Variants in ATP9B observed in about 807,000 individuals in gnomAD.
The protein encoded by ATP9B is ATPase phospholipid transporting 9B.
In ATP9B, 110 loss-of-function variants were observed where a neutral mutation model predicts 146.1. The ratio of observed to expected loss-of-function variants is 0.75; its 90% CI spans 0.65 to 0.88. ATP9B has a LOEUF of 0.88. Ranked by LOEUF, ATP9B falls within the 40% of genes least tolerant of loss-of-function variation. The pLI is 0.00. For missense variants in ATP9B, 1,499 were observed against 1,496.4 expected (o/e 1.00, Z -0.03); for synonymous variants, 604 against 569.7 (o/e 1.06, Z -0.86).
intron 4 of ATP9B, among the ~76,000 whole-genome samples, chr18:79,118,384 GTTTTTGTTTTTTTTTTTT>G: frequency 1.4e-5 from 1 of 73,490 alleles, no homozygotes; most frequent in East Asian, 5.1e-4. Flanking sequence ...CATATTGAAC[GTTTTTGTTTTTTTTTTTT>G]TTTTTTTTTT....
At chr18:79,194,993 G>A (rs1469372260) in intron 9 of ATP9B, among the ~76,000 whole-genome samples, 1 of 152,104 alleles carries the variant, frequency 6.6e-6, no homozygotes, top group Admixed American at 6.6e-5. Flanking sequence ...GAATGTATAG[G>A]GGCAAGGGGC....
chr18:79,327,751 G>T (rs1452412389), intron 15 of ATP9B, among the ~76,000 whole-genome samples: 44 of 130,810 alleles, frequency 3.4e-4, no homozygotes, highest in African/African-American at 1.2e-3. Context: ...GCTCTCCGTG[G>T]TTAGCGTGCT....
intron 7 of ATP9B, among the ~76,000 whole-genome samples, chr18:79,167,959 G>A (rs915465994): frequency 8.5e-5 from 13 of 152,178 alleles, no homozygotes; most frequent in African/African-American, 2.9e-4. Context: ...GCTTGTTGGC[G>A]CCCAAAGTCT....
intron 4 of ATP9B, among the ~76,000 whole-genome samples, chr18:79,119,792 T>C (rs1397597267): frequency 1.3e-5 from 2 of 152,234 alleles, no homozygotes; most frequent in Admixed American, 1.3e-4. Context: ...ATAGTATGCT[T>C]TCTCTGTTTA....
rs139057877 is a variant in ATP9B, at chr18:79,163,736, G to A, written c.778+9181G>A. ...TTTATTTAAATATATGTATGCGTGT[G>A]TGTATATATATATGCGTGTATAATA... On this transcript the variant is annotated intron_variant, in intron 7 of 29. Transcript: ENST00000426216. Among the ~76,000 whole-genome samples the A allele has an allele frequency of 5.3e-5, 8 of 151,396 alleles. No homozygotes were observed. The East Asian group carries it at 9.7e-4, about 18-fold the overall frequency.
chr18:79,203,350 G>A (rs143234669), intron 9 of ATP9B, among the ~76,000 whole-genome samples: 41 of 151,994 alleles, frequency 2.7e-4, no homozygotes, highest in African/African-American at 9.9e-4. Context: ...GCAGGCACCC[G>A]ATACTTCGTA....
chr18:79,257,226 G>A (rs1252546656), intron 12 of ATP9B, among the ~76,000 whole-genome samples: 1 of 152,196 alleles, frequency 6.6e-6, no homozygotes, highest in Non-Finnish European at 1.5e-5. Context: ...CTTGAACCCA[G>A]GAGGCAGAGG....
intron 13 of ATP9B, among the ~76,000 whole-genome samples, chr18:79,280,319 T>C (rs4799029): frequency 0.44 from 67,334 of 151,846 alleles, 15,145 homozygotes; most frequent in Middle Eastern, 0.57. Context: ...GATCAAGCTG[T>C]AAATAAAAGA....
chr18:79,147,619 G>T (rs1163419755), intron 6 of ATP9B, among the ~76,000 whole-genome samples: 1 of 152,068 alleles, frequency 6.6e-6, no homozygotes, highest in Admixed American at 6.5e-5. Context: ...AATACATACA[G>T]CTGAATAAAA....
intron 26 of ATP9B, 141 bp downstream of exon 26, chr18:79,359,603 G>T (rs1298653753): frequency 1.5e-6 from 1 of 678,584 alleles, no homozygotes; most frequent in Admixed American, 2.2e-5. Context: ...TGTTTTTTAT[G>T]TCTCCTAATT....
At chr18:79,374,637 C>T (rs1013038108) in intron 28 of ATP9B, among the ~76,000 whole-genome samples, 1 of 152,266 alleles carries the variant, frequency 6.6e-6, no homozygotes, top group African/African-American at 2.4e-5. Context: ...TGAACACAGC[C>T]GCGTGTGCAC....
intron 2 of ATP9B, among the ~76,000 whole-genome samples, chr18:79,102,371 G>T (rs1781347966): frequency 6.6e-6 from 1 of 152,016 alleles, no homozygotes; most frequent in South Asian, 2.1e-4. Flanking sequence ...AAATTTTTTT[G>T]GTGAGGTGAG....
rs1275458712 is a variant in ATP9B at position 79,119,069 on chromosome 18, T to TCAAAAAAAAAAA, written c.558+5715_558+5716insCAAAAAAAAAAA. ...CTGGGTAACAGAGCGAGACCGTGTC[T>TCAAAAAAAAAAA]TAAAAAAAAAAAAAAAAAAATTGCC... On this transcript the variant is annotated intron_variant, in intron 4 of 29. Transcript: ENST00000426216. 6.2e-4 allele frequency among the ~76,000 whole-genome samples: 92 copies of TCAAAAAAAAAAA among 148,282 alleles called. 1 individual carries two copies. The highest frequency in any genetic ancestry group is 2.2e-3 in the African/African-American group (88 of 39,576).
At chr18:79,317,557 G>C (rs2096688092) in intron 15 of ATP9B, among the ~76,000 whole-genome samples, 1 of 152,184 alleles carries the variant, frequency 6.6e-6, no homozygotes, top group Admixed American at 6.5e-5. Flanking sequence ...GTAGTGATTT[G>C]TGGGGTCTAA....
In ATP9B at chr18:79,348,264, A is replaced by C. The variant is rs570457097; in HGVS notation, c.2903+68A>C. On this transcript the variant is annotated intron_variant, in intron 25 of 29. Coordinates refer to ENST00000426216, the MANE Select transcript of ATP9B (RefSeq NM_198531.5). ...TTCTATTTTGAAAAAAAAAAAAAAAAAAAAACAAAAAACGTATATAGAAGA... is the reference window on the plus strand; with the variant it reads ...TTCTATTTTGAAAAAAAAAAAAAAACAAAAACAAAAAACGTATATAGAAGA... The C allele has an allele frequency of 2.6e-4, 329 of 1,257,186 alleles. 5 individuals are homozygous for C. The highest frequency in any genetic ancestry group is 1.2e-3 in the South Asian group (97 of 77,674). 77.9% of individuals were successfully genotyped at this position (1,257,186 alleles called of 1,614,324 possible).
chr18:79,293,960 G>A (rs1030442453), intron 13 of ATP9B, among the ~76,000 whole-genome samples: 4 of 152,106 alleles, frequency 2.6e-5, no homozygotes, highest in Admixed American at 2.0e-4. Flanking sequence ...TTGTGTACAT[G>A]TAGAATTCCT....
chr18:79,276,170 C>T (rs899820360), intron 12 of ATP9B, among the ~76,000 whole-genome samples: 17 of 152,140 alleles, frequency 1.1e-4, no homozygotes, highest in African/African-American at 3.4e-4. Context: ...TGCCAGCAGC[C>T]GCATGAGCAG....
At chr18:79,166,764 G>T (rs1174089310) in intron 7 of ATP9B, among the ~76,000 whole-genome samples, 1 of 152,126 alleles carries the variant, frequency 6.6e-6, no homozygotes, top group Non-Finnish European at 1.5e-5. Flanking sequence ...ATGGCCCGTG[G>T]AGCCTTTGTC....
chr18:79,329,863 T>C, intron 16 of ATP9B, 149 bp from the exon 17 acceptor site: 1 of 684,114 alleles, frequency 1.5e-6, no homozygotes, highest in Non-Finnish European at 2.6e-6. Context: ...GGCCTAGCCC[T>C]CCGCGTAGAA....
Sources: allele counts gnomAD v4.1 joint callset (sites outside exome capture counted in the v4.1 genomes callset), GRCh38; gene constraint gnomAD v4.1.1; transcripts MANE v1.5; gene names NCBI Gene and HGNC (gene_info 2026-07-23, HGNC 2026-07-21).